The following MCC variants were observed in gnomAD, a reference collection of about 807,000 sequenced individuals.
The protein encoded by MCC is colorectal mutant cancer protein.
MCC carries 90 observed loss-of-function variants against 116.2 expected under a neutral mutation model. The ratio of observed to expected loss-of-function variants is 0.77; its 90% confidence interval spans 0.65 to 0.92. The LOEUF (loss-of-function observed/expected upper bound fraction) is 0.92, where lower values mean the gene tolerates loss of function less well. Ranked by LOEUF, MCC falls within the 40% of genes least tolerant of loss-of-function variation. The probability of loss-of-function intolerance (pLI) is 0.00; values close to 1 mark genes in which losing one functional copy is unlikely to be tolerated. For synonymous variants in MCC, 578 were observed against 510.5 expected (o/e 1.13, Z -1.78); for missense variants, 1,516 against 1,312.2 (o/e 1.16, Z -2.40).
In MCC at chr5:113,271,840, C is replaced by CT. The variant is rs1765629852; in HGVS notation, c.627+68678dup. Among the ~76,000 whole-genome samples the CT allele has an allele frequency of 3.3e-5, 5 of 152,262 alleles. No homozygotes were observed. In the South Asian group the frequency reaches 6.2e-4, roughly 19 times the overall value. On this transcript the variant is annotated intron_variant, in intron 3 of 18. Coordinates refer to ENST00000408903, the MANE Select transcript of MCC (RefSeq NM_001085377.2). ...ATGTTATGAAGCAGCAAGAAGGCCC[C>CT]TGACAGATGACAGTCCCTCAATCTT...
At chr5:113,299,036 C>T (rs1031093240) in intron 3 of MCC, among the ~76,000 whole-genome samples, 1 of 151,788 alleles carries the variant, frequency 6.6e-6, no homozygotes, top group Non-Finnish European at 1.5e-5. Context: ...CACCTGTAAT[C>T]CCAGCTCTTT....
chr5:113,277,091 C>T (rs1765859444), intron 3 of MCC, among the ~76,000 whole-genome samples: 1 of 151,836 alleles, frequency 6.6e-6, no homozygotes, highest in African/African-American at 2.4e-5. Context: ...ACCTGTAATC[C>T]CAGCACTTTG....
chr5:113,095,244 G>A (rs975880433), intron 8 of MCC, among the ~76,000 whole-genome samples: 1 of 152,130 alleles, frequency 6.6e-6, no homozygotes, highest in African/African-American at 2.4e-5. Context: ...GAAGGCTACA[G>A]GAAAGTGGTC....
chr5:113,088,080 C>T, intron 8 of MCC, among the ~76,000 whole-genome samples: 1 of 151,976 alleles, frequency 6.6e-6, no homozygotes, highest in Non-Finnish European at 1.5e-5. Context: ...AACTTCGGAC[C>T]CAGAGAATGT....
chr5:113,319,583 A>G (rs1194943770), intron 3 of MCC, among the ~76,000 whole-genome samples: 1 of 152,166 alleles, frequency 6.6e-6, no homozygotes, highest in African/African-American at 2.4e-5. Context: ...ATTGGATCTA[A>G]TCATTTTTTT....
chr5:113,132,370 G>GTATA lies in MCC; in HGVS notation c.885-9545_885-9544insTATA, dbSNP rs564083445. 6.6e-3 allele frequency among the ~76,000 whole-genome samples: 835 copies of GTATA among 125,894 alleles called. 15 individuals carry two copies. The highest frequency in any genetic ancestry group is 0.024 in the African/African-American group (809 of 33,500). 82.6% of individuals were successfully genotyped at this position (125,894 alleles called of 152,430 possible). A position where few individuals can be genotyped will look rare whatever the true frequency, so the allele number is the denominator to read the frequency against. On this transcript the variant is annotated intron_variant, in intron 5 of 18. Transcript: ENST00000408903. ...AAGAAAAGTGCATATGTGTGTGTGT[G>GTATA]TGTATATATATACATACATATATAT...
chr5:113,248,877 G>C (rs1470973497), intron 3 of MCC, among the ~76,000 whole-genome samples: 1 of 141,314 alleles, frequency 7.1e-6, no homozygotes, highest in Non-Finnish European at 1.5e-5. Flanking sequence ...ACCCAGGCTA[G>C]AGTGCAGCGG....
chr5:113,280,144 G>C (rs968800050), intron 3 of MCC, among the ~76,000 whole-genome samples: 10 of 152,160 alleles, frequency 6.6e-5, no homozygotes, highest in Non-Finnish European at 1.5e-4. Flanking sequence ...AATCTGGCTG[G>C]AAACAAAGCT....
intron 3 of MCC, among the ~76,000 whole-genome samples, chr5:113,169,031 C>T (rs1335675690): frequency 6.6e-6 from 1 of 152,140 alleles, no homozygotes; most frequent in Non-Finnish European, 1.5e-5. Context: ...TCCCCATCAC[C>T]AATCCCCAGC....
intron 3 of MCC, among the ~76,000 whole-genome samples, chr5:113,257,901 C>A (rs34766128): frequency 0.14 from 21,451 of 152,038 alleles, 2,062 homozygotes; most frequent in Non-Finnish European, 0.2. Context: ...TCTTCCATTA[C>A]GGGAGGGAGG....
intron 14 of MCC, among the ~76,000 whole-genome samples, chr5:113,057,944 C>A (rs1392713352): frequency 6.6e-6 from 1 of 152,240 alleles, no homozygotes; most frequent in Non-Finnish European, 1.5e-5. Flanking sequence ...CAGACAGCAG[C>A]ACTTCTCTTC....
chr5:113,061,608 T>G (rs1201815749), intron 14 of MCC, among the ~76,000 whole-genome samples: 6 of 152,332 alleles, frequency 3.9e-5, no homozygotes, highest in African/African-American at 1.4e-4. Flanking sequence ...ATCACTTTTA[T>G]TCTCCTTGCT....
chr5:113,391,719 T>TG (rs573183114), intron 1 of MCC, among the ~76,000 whole-genome samples: 4 of 143,340 alleles, frequency 2.8e-5, no homozygotes, highest in South Asian at 2.2e-4. Flanking sequence ...ACCTTGTCTC[T>TG]GGGGAAAAAA....
At chr5:113,046,349 G>A (rs1347855128) in intron 16 of MCC, among the ~76,000 whole-genome samples, 1 of 151,970 alleles carries the variant, frequency 6.6e-6, no homozygotes, top group Non-Finnish European at 1.5e-5. Context: ...CCACCACCAT[G>A]CCCGGCTAAT....
chr5:113,454,586 G>C (rs1771491671), intron 1 of MCC, among the ~76,000 whole-genome samples: 1 of 152,030 alleles, frequency 6.6e-6, no homozygotes, highest in Admixed American at 6.6e-5. Flanking sequence ...GACTTCAAAG[G>C]GAGAATCTAC....
chr5:113,303,901 C>T (rs530604098), intron 3 of MCC, among the ~76,000 whole-genome samples: 2 of 152,210 alleles, frequency 1.3e-5, no homozygotes, highest in South Asian at 2.1e-4. Flanking sequence ...GTGATCCACC[C>T]GCCTCGGCCT....
At chr5:113,468,698 A>G (rs1229527426) in intron 1 of MCC, among the ~76,000 whole-genome samples, 6 of 152,226 alleles carry the variant, frequency 3.9e-5, no homozygotes, top group Middle Eastern at 3.2e-3. Flanking sequence ...TGGCCTCATA[A>G]AATGAGTTAG....
chr5:113,127,053 G>A (rs1011116358), intron 5 of MCC, among the ~76,000 whole-genome samples: 2 of 152,114 alleles, frequency 1.3e-5, no homozygotes, highest in Non-Finnish European at 2.9e-5. Context: ...CCCAATGTCT[G>A]TTGTTCCCCT....
rs986293438 is a variant in MCC, at chr5:113,263,510, C to T, written c.627+77009G>A. Among the ~76,000 whole-genome samples the T allele has an allele frequency of 3.9e-5, 6 of 152,200 alleles. No individual in the cohort carries two copies. In the South Asian group the frequency reaches 8.3e-4, roughly 21 times the overall value. On this transcript the variant is annotated intron_variant, in intron 3 of 18. Coordinates refer to ENST00000408903, the MANE Select transcript of MCC (RefSeq NM_001085377.2). ...AGCTGCAAAATTGGTACCATTAAAACATGGCTCTTTCAAATTGCTTAAAAC... is the reference window on the plus strand; with the variant it reads ...AGCTGCAAAATTGGTACCATTAAAATATGGCTCTTTCAAATTGCTTAAAAC...
Sources: gnomAD v4.1 joint callset for allele counts (sites outside exome capture counted in the v4.1 genomes callset) on GRCh38, gnomAD v4.1.1 for gene constraint, MANE v1.5 for transcripts, NCBI Gene and HGNC (gene_info 2026-07-23, HGNC 2026-07-21) for gene names.